The following EIF4E variants were observed in gnomAD, a reference collection of about 807,000 sequenced individuals.
EIF4E encodes eIF-4F 25 kDa subunit.
For missense variants in EIF4E, 113 were observed against 265.6 expected (o/e 0.43, Z 3.99); for synonymous variants, 71 against 88.5 (o/e 0.80, Z 1.11).
intron 2 of EIF4E, chr4:98,895,268 C>A (rs1724329120): frequency 6.6e-6 from 1 of 152,156 alleles, no homozygotes; most frequent in African/African-American, 2.4e-5. Context: ...TTTCCACAAA[C>A]CTTCAATTTA....
At chr4:98,917,127 CACACACAAAA>C (rs753733422) in intron 1 of EIF4E, among the ~76,000 whole-genome samples, 10,382 of 68,682 alleles carry the variant, frequency 0.15, 1,028 homozygotes, top group African/African-American at 0.41. Flanking sequence ...CACACACACA[CACACACAAAA>C]AAAACCCAAA....
At chr4:98,881,287 T>C in intron 6 of EIF4E, 145 bp from the exon 7 acceptor site, 2 of 1,410,932 alleles carry the variant, frequency 1.4e-6, no homozygotes, top group East Asian at 5.3e-5. Context: ...TACACCCTTT[T>C]CCTTTCAGCA....
chr4:98,892,453 C>T (rs113201242), intron 2 of EIF4E, among the ~76,000 whole-genome samples: 7,722 of 151,438 alleles, frequency 0.051, 609 homozygotes, highest in African/African-American at 0.17. Flanking sequence ...CTGAGGTGGG[C>T]GGATCACGTG....
At chr4:98,921,358 T>A (rs887493314) in intron 1 of EIF4E, among the ~76,000 whole-genome samples, 1 of 151,704 alleles carries the variant, frequency 6.6e-6, no homozygotes, top group East Asian at 1.9e-4. Context: ...TGTAGACATA[T>A]ATATCAAAAT....
chr4:98,897,936 G>T (rs1724477124), intron 2 of EIF4E, among the ~76,000 whole-genome samples: 1 of 152,186 alleles, frequency 6.6e-6, no homozygotes, highest in Non-Finnish European at 1.5e-5. Context: ...CAAATAAGCA[G>T]TGTATGATGT....
chr4:98,914,684 G>A (rs900190410), intron 1 of EIF4E, among the ~76,000 whole-genome samples: 11 of 151,978 alleles, frequency 7.2e-5, no homozygotes, highest in Non-Finnish European at 1.0e-4. Flanking sequence ...TATTCTGCAC[G>A]ATATTATAAC....
intron 1 of EIF4E, among the ~76,000 whole-genome samples, chr4:98,921,486 A>T (rs1725643296): frequency 6.6e-6 from 1 of 151,984 alleles, no homozygotes; most frequent in African/African-American, 2.4e-5. Context: ...CTCTTGCTTC[A>T]GTCTCCCAAG....
intron 1 of EIF4E, among the ~76,000 whole-genome samples, chr4:98,913,987 A>G (rs971198501): frequency 1.3e-5 from 2 of 152,032 alleles, no homozygotes; most frequent in African/African-American, 4.8e-5. Context: ...AGCACTAAAC[A>G]TGTTTGTAAA....
At chr4:98,928,943 C>T in intron 1 of EIF4E, 152 bp downstream of exon 1, 1 of 1,577,928 alleles carries the variant, frequency 6.3e-7, no homozygotes, top group South Asian at 1.2e-5. Flanking sequence ...GGGACGTCCC[C>T]ACTTGTCCGC....
In EIF4E at chr4:98,908,334, G is replaced by A. The variant is rs550416495; in HGVS notation, c.19-6352C>T. ...TTCCTGATGACACAAAAATATAAACGTGTTCGGTCAATGCTACAGCACCAA... is the reference window on the plus strand; with the variant it reads ...TTCCTGATGACACAAAAATATAAACATGTTCGGTCAATGCTACAGCACCAA... On this transcript the variant is annotated intron_variant, in intron 1 of 6. Transcript: ENST00000450253. 5.9e-5 allele frequency among the ~76,000 whole-genome samples: 9 copies of A among 152,232 alleles called. No individual in the cohort carries two copies. The East Asian group carries it at 1.5e-3, about 26-fold the overall frequency.
chr4:98,896,667 CAAAAAAAAAA>C (rs61329973), intron 2 of EIF4E, among the ~76,000 whole-genome samples: 6 of 47,680 alleles, frequency 1.3e-4, no homozygotes, highest in South Asian at 1.1e-3. Flanking sequence ...ATGTCTCTTC[CAAAAAAAAAA>C]AAAAAAAAAA....
At chr4:98,908,450 C>A (rs1415221670) in intron 1 of EIF4E, among the ~76,000 whole-genome samples, 1 of 152,152 alleles carries the variant, frequency 6.6e-6, no homozygotes, top group Non-Finnish European at 1.5e-5. Flanking sequence ...AACTGGAAAA[C>A]CAGCTGTGTC....
chr4:98,907,688 C>T (rs958519120), intron 1 of EIF4E, among the ~76,000 whole-genome samples: 1 of 152,166 alleles, frequency 6.6e-6, no homozygotes, highest in Non-Finnish European at 1.5e-5. Context: ...CTAACCCCAA[C>T]TTGATGAGTC....
At chr4:98,913,915 A>C (rs775939249) in intron 1 of EIF4E, among the ~76,000 whole-genome samples, 1 of 152,156 alleles carries the variant, frequency 6.6e-6, no homozygotes, top group Non-Finnish European at 1.5e-5. Flanking sequence ...AAGAGACAAC[A>C]CATCTATCAA....
intron 1 of EIF4E, among the ~76,000 whole-genome samples, chr4:98,913,244 G>C (rs1560650273): frequency 6.6e-6 from 1 of 151,888 alleles, no homozygotes; most frequent in Non-Finnish European, 1.5e-5. Context: ...ATTTTCAAAA[G>C]TTAAAGGTTA....
chr4:98,901,107 A>G (rs1329606789), intron 2 of EIF4E, among the ~76,000 whole-genome samples: 1 of 152,120 alleles, frequency 6.6e-6, no homozygotes, highest in Non-Finnish European at 1.5e-5. Context: ...ATATTTTGAC[A>G]TCTTGCTTCA....
intron 2 of EIF4E, among the ~76,000 whole-genome samples, chr4:98,898,368 C>T (rs771336193): frequency 3.9e-5 from 6 of 151,910 alleles, no homozygotes; most frequent in East Asian, 1.9e-4. Flanking sequence ...CAGCACTTTG[C>T]GAGGCCGAGG....
intron 1 of EIF4E, among the ~76,000 whole-genome samples, chr4:98,915,854 A>G (rs1313380355): frequency 6.6e-6 from 1 of 151,610 alleles, no homozygotes; most frequent in Non-Finnish European, 1.5e-5. Flanking sequence ...TATCTTTAAT[A>G]ATACTTTTCT....
intron 1 of EIF4E, among the ~76,000 whole-genome samples, chr4:98,919,850 T>G (rs142388729): frequency 0.014 from 2,141 of 152,226 alleles, 21 homozygotes; most frequent in Non-Finnish European, 0.025. Flanking sequence ...TGAGCCACCA[T>G]GCCCGGCCAG....
Sources: gnomAD v4.1 joint callset for allele counts (sites outside exome capture counted in the v4.1 genomes callset) on GRCh38, gnomAD v4.1.1 for gene constraint, MANE v1.5 for transcripts, NCBI Gene and HGNC (gene_info 2026-07-23, HGNC 2026-07-21) for gene names.